GDPD5: variants seen among roughly 807,000 people sequenced by gnomAD.
GDPD5 encodes the protein glycerophosphodiester phosphodiesterase 2.
A neutral mutation model predicts 75.1 loss-of-function variants in GDPD5; 48 were observed. That is an observed-to-expected ratio of 0.64 (90% CI 0.51 to 0.81). The LOEUF (loss-of-function observed/expected upper bound fraction) is 0.81, where lower values mean the gene tolerates loss of function less well. GDPD5 is among the 40% of genes least tolerant of loss of function. GDPD5 has a pLI of 0.00. For missense variants in GDPD5, 706 were observed against 822.6 expected (o/e 0.86, Z 1.73); for synonymous variants, 336 against 339.0 (o/e 0.99, Z 0.10).
intron 6 of GDPD5, 91 bp from the exon 7 acceptor site, chr11:75,450,074 A>T (rs963254421): frequency 3.1e-5 from 31 of 1,008,510 alleles, no homozygotes; most frequent in Middle Eastern, 2.3e-4. Flanking sequence ...AGAGACAGAG[A>T]GGGCAGGAGA....
rs776989679 is a variant in GDPD5 at position 75,477,707 on chromosome 11, T to C, written c.29A>G (p.Tyr10Cys). Residue 10 changes from tyrosine (Y) to cysteine (C), a missense_variant, in exon 3 of 17, where the codon TAC (tyrosine) becomes TGC (cysteine). Physicochemically the swap from Tyr to Cys is radical, Grantham distance 194. Transcript: ENST00000336898. ...GCAGGAGAGGCACAGCTGTGGCTCG[T>C]AGTACTGCAGGGGCTGGTGTCTCAC... Reference protein sequence around the residue: MVRHQPLQYYEPQLCLSCLT... With the variant: MVRHQPLQYCEPQLCLSCLT... The C allele has an allele frequency of 5.0e-6, 8 of 1,593,904 alleles. No homozygotes were observed. The highest frequency in any genetic ancestry group is 4.3e-6 in the Non-Finnish European group (5 of 1,165,310).
In GDPD5 at chr11:75,439,911, G is replaced by A; in HGVS notation, c.1524C>T (p.Phe508=). 6.2e-7 allele frequency: 1 copy of A among 1,614,028 alleles called. No homozygotes were observed. Among genetic ancestry groups the A allele is most frequent in the Non-Finnish European group, 8.5e-7 (1 of 1,179,944 alleles). Residue 508 remains phenylalanine, a synonymous_variant, in exon 15 of 17, where the codon TTC becomes TTT. Transcript: ENST00000336898. ...LMWVTADLVS[F]TLIVGIFVLQ... is the part of the protein sequence containing the mutation. The stretch of plus-strand genomic sequence containing the variant: ...GCACGAAGATGCCCACGATGAGGGT[G>A]AAGGAGACCAGGTCGGCAGTGACCC...
intron 15 of GDPD5, among the ~76,000 whole-genome samples, chr11:75,439,169 G>A (rs1948715454): frequency 6.6e-6 from 1 of 152,214 alleles, no homozygotes; most frequent in Non-Finnish European, 1.5e-5. Flanking sequence ...GGGACGGGAG[G>A]AGCAGAAAAG....
chr11:75,483,404 C>T (rs924496675), intron 2 of GDPD5, among the ~76,000 whole-genome samples: 6 of 152,172 alleles, frequency 3.9e-5, no homozygotes, highest in African/African-American at 1.2e-4. Flanking sequence ...CGTGCACCTC[C>T]GGCGTCCTGT....
At chr11:75,499,168 T>A (rs895582396) in intron 1 of GDPD5, among the ~76,000 whole-genome samples, 2 of 152,140 alleles carry the variant, frequency 1.3e-5, no homozygotes, top group Admixed American at 1.3e-4. Flanking sequence ...ATGAGGAAAC[T>A]GAAGCTCAGA....
rs2135097867 is a variant in GDPD5 at position 75,435,343 on chromosome 11, A to C, written c.*164T>G. The C allele has an allele frequency of 3.5e-6, 2 of 571,288 alleles. No homozygotes were observed. Among genetic ancestry groups the C allele is most frequent in the Admixed American group, 3.1e-5 (1 of 31,808 alleles). 35.4% of individuals were successfully genotyped at this position (571,288 alleles called of 1,614,324 possible). On this transcript the variant is annotated 3_prime_UTR_variant, in exon 17 of 17. Transcript: ENST00000336898. ...CTGGCCCAGCTGGGCCTCAGGAGAC[A>C]GGGAGTCCCCCTCAAGAGAGGCTGC...
At chr11:75,516,400 CCT>C (rs1416670549) in intron 1 of GDPD5, among the ~76,000 whole-genome samples, 1 of 152,206 alleles carries the variant, frequency 6.6e-6, no homozygotes, top group Non-Finnish European at 1.5e-5. Flanking sequence ...GTTGATGTAC[CCT>C]CTCTGGCTGT....
At position 75,435,528 on chromosome 11, in the gene GDPD5, G is replaced by C. The variant is rs1404258417; in HGVS notation, c.1797C>G (p.Leu599=). 1.2e-6 allele frequency: 2 copies of C among 1,611,416 alleles called. No homozygotes were observed. The highest frequency in any genetic ancestry group is 2.2e-5 in the South Asian group (2 of 90,724). Residue 599 remains leucine (L), a synonymous_variant, in exon 17 of 17, where the codon CTC becomes CTG. Transcript: ENST00000336898. ...TCAGCTAACGCCCACTCCGCTCTATGAGGGTCTTGGTGTGGCTGCCACCCC... is the reference window on the plus strand; with the variant it reads ...TCAGCTAACGCCCACTCCGCTCTATCAGGGTCTTGGTGTGGCTGCCACCCC... The part of the protein sequence containing the change: ...PRGGGSHTKT[L]IERSGR
intron 2 of GDPD5, among the ~76,000 whole-genome samples, chr11:75,486,448 T>C (rs1255059921): frequency 1.3e-5 from 2 of 152,182 alleles, no homozygotes; most frequent in African/African-American, 4.8e-5. Context: ...TGTAGGTACA[T>C]TGTGGCCTAG....
At position 75,436,928 on chromosome 11, in the gene GDPD5, C is replaced by T; in HGVS notation, c.1669+8G>A. 4 of 1,609,066 alleles carry T rather than the reference C, an allele frequency of 2.5e-6. No individual in the cohort carries two copies. Among genetic ancestry groups the T allele is most frequent in the Non-Finnish European group, 3.4e-6 (4 of 1,175,988 alleles). On this transcript the variant is annotated splice_region_variant and intron_variant, in intron 16 of 16. Coordinates refer to ENST00000336898, the MANE Select transcript of GDPD5 (RefSeq NM_030792.8). The stretch of plus-strand genomic sequence containing the variant: ...GGCCTGCCTCCACCTGTCTGCAGGG[C>T]TGTGTACCTGAGAAAATAAGCTTCT...
rs149941214 is a variant in GDPD5, at chr11:75,437,023, A to G, written c.1582T>C (p.Tyr528His). Residue 528 changes from tyrosine to histidine, a missense_variant, in exon 16 of 17, where the codon TAC (tyrosine) becomes CAC (histidine). Coordinates refer to ENST00000336898, the MANE Select transcript of GDPD5 (RefSeq NM_030792.8). ...QKWRLGGIRS[Y>H]NPEQIMLSAA... ...CTCAGCATGATCTGCTCAGGGTTGT[A>G]GCTCCGTATGCCACCCAGGCGCCAC... 6 of 1,613,200 alleles carry G rather than the reference A, an allele frequency of 3.7e-6. No homozygotes were observed. The highest frequency in any genetic ancestry group is 5.1e-6 in the Non-Finnish European group (6 of 1,179,942).
chr11:75,464,733 T>C (rs1403547022), intron 3 of GDPD5, among the ~76,000 whole-genome samples: 1 of 152,176 alleles, frequency 6.6e-6, no homozygotes, highest in African/African-American at 2.4e-5. Context: ...CACTTGTGTC[T>C]GCCCCAGCTG....
At chr11:75,482,243 T>C (rs886214130) in intron 2 of GDPD5, among the ~76,000 whole-genome samples, 6 of 152,198 alleles carry the variant, frequency 3.9e-5, no homozygotes, top group African/African-American at 1.4e-4. Flanking sequence ...TGATACTGGC[T>C]CTCAGAGTCT....
chr11:75,482,474 A>T (rs1435533062), intron 2 of GDPD5, among the ~76,000 whole-genome samples: 3 of 151,988 alleles, frequency 2.0e-5, no homozygotes, highest in Non-Finnish European at 4.4e-5. Context: ...GGCCTTGCAG[A>T]CCCAGTTCAG....
chr11:75,478,112 T>C (rs2853066), intron 2 of GDPD5, among the ~76,000 whole-genome samples: 104,790 of 152,126 alleles, frequency 0.69, 36,632 homozygotes, highest in East Asian at 0.96. Flanking sequence ...ATGGCTTCCT[T>C]CTCTTTCCCC....
chr11:75,456,913 T>C, intron 5 of GDPD5, 97 bp from the exon 6 acceptor site: 1 of 1,245,168 alleles, frequency 8.0e-7, no homozygotes, highest in Non-Finnish European at 1.2e-6. Flanking sequence ...GCTCTGGGCC[T>C]GACCCTGGGC....
rs760264765 is a variant in GDPD5 at position 75,441,831 on chromosome 11, A to G, written c.1168-28T>C. 59 of 1,593,554 alleles carry G rather than the reference A, an allele frequency of 3.7e-5. 1 individual carries two copies. The highest frequency in any genetic ancestry group is 4.9e-5 in the Non-Finnish European group (58 of 1,173,614). Reference sequence around the variant, plus strand: ...GCAGGCAGAAGAGAGGCAGCCTCAGACTTCTCTTCTGCACGATGCGTAAGA... The same window carrying G: ...GCAGGCAGAAGAGAGGCAGCCTCAGGCTTCTCTTCTGCACGATGCGTAAGA... On this transcript the variant is annotated intron_variant, in intron 12 of 16. Transcript: ENST00000336898.
In GDPD5 at chr11:75,513,986, C is replaced by T. The variant is rs555498653; in HGVS notation, c.-145+11224G>A. 3.3e-5 allele frequency among the ~76,000 whole-genome samples: 5 copies of T among 152,278 alleles called. No individual in the cohort carries two copies. The East Asian group carries it at 5.8e-4, about 18-fold the overall frequency. ...GCCAGTCACCTCACCTGCCTGAGCC[C>T]GAGGTTTCTCACCTGCAAAATGAGG... On this transcript the variant is annotated intron_variant, in intron 1 of 16. Transcript: ENST00000336898.
chr11:75,482,715 G>GAACACC (rs112399363), intron 2 of GDPD5, among the ~76,000 whole-genome samples: 3,572 of 152,264 alleles, frequency 0.023, 142 homozygotes, highest in African/African-American at 0.081. Context: ...TTCACCTGGT[G>GAACACC]AACACCTCCT....
Sources: gnomAD v4.1 joint callset for allele counts (sites outside exome capture counted in the v4.1 genomes callset) on GRCh38, gnomAD v4.1.1 for gene constraint, MANE v1.5 for transcripts, NCBI Gene and HGNC (gene_info 2026-07-23, HGNC 2026-07-21) for gene names.